The following IFFO2 variants were observed in gnomAD, a reference collection of about 807,000 sequenced individuals.
IFFO2 encodes the protein intermediate filament family orphan 2.
Under a neutral mutation model 53.5 loss-of-function variants are expected in IFFO2, and 19 were observed. The observed-to-expected ratio is 0.36, with a 90% CI of 0.25 to 0.52. The LOEUF (loss-of-function observed/expected upper bound fraction) is 0.52. IFFO2 is among the 20% of genes least tolerant of loss of function. IFFO2 has a pLI of 0.94. For missense variants in IFFO2, 570 were observed against 727.4 expected, an observed-to-expected ratio of 0.78 and a Z score of 2.49; for synonymous variants, 303 against 313.6, an observed-to-expected ratio of 0.97 and a Z score of 0.36.
At chr1:18,924,184 G>C (rs1936251687) in intron 1 of IFFO2, among the ~76,000 whole-genome samples, 1 of 152,246 alleles carries the variant, frequency 6.6e-6, no homozygotes, top group Admixed American at 6.5e-5. Context: ...GAAAAGCTCT[G>C]TCCTTGGATC....
chr1:18,948,359 T>C (rs28657693), intron 1 of IFFO2, among the ~76,000 whole-genome samples: 120,530 of 152,156 alleles, frequency 0.79, 48,869 homozygotes, highest in East Asian at 0.94. Context: ...GTAGTCTTCA[T>C]AGGGTTGCTG....
intron 1 of IFFO2, among the ~76,000 whole-genome samples, chr1:18,948,336 T>C (rs1316789326): frequency 6.6e-6 from 1 of 152,196 alleles, no homozygotes; most frequent in Admixed American, 6.5e-5. Flanking sequence ...TTGTGCTACA[T>C]TACGGAGAGA....
intron 1 of IFFO2, among the ~76,000 whole-genome samples, chr1:18,933,671 T>C (rs1205130820): frequency 6.6e-6 from 1 of 152,078 alleles, no homozygotes; most frequent in African/African-American, 2.4e-5. Flanking sequence ...GGTGGGAGGA[T>C]TGCTTGAGCC....
Position 18,910,335 on chromosome 1 carries a change from C to T in IFFO2, c.1448+7G>A, listed in dbSNP as rs75991162. 17,119 of 1,599,128 alleles carry T rather than the reference C, an allele frequency of 0.011. 279 individuals carry two copies. The highest frequency in any genetic ancestry group is 0.063 in the East Asian group (2,786 of 44,134). ...TAGCTGAATCCCCTGGGAGGATGGGCGGGTACCTGTCTGCGGAGCCTTTGA... is the reference window on the plus strand; with the variant it reads ...TAGCTGAATCCCCTGGGAGGATGGGTGGGTACCTGTCTGCGGAGCCTTTGA... On this transcript the variant is annotated splice_region_variant and intron_variant, in intron 8 of 8. Coordinates refer to ENST00000455833, the MANE Select transcript of IFFO2 (RefSeq NM_001136265.2).
intron 1 of IFFO2, among the ~76,000 whole-genome samples, chr1:18,951,789 G>A (rs1365820938): frequency 6.6e-6 from 1 of 152,214 alleles, no homozygotes; most frequent in African/African-American, 2.4e-5. Flanking sequence ...CCTATGCCTG[G>A]AGCCTGGACC....
In IFFO2 at chr1:18,956,264, C is replaced by CCCG. The variant is rs1254635440; in HGVS notation, c.66_68dup (p.Gly24dup). 1.1e-6 allele frequency: 1 copy of CCCG among 907,860 alleles called. No individual in the cohort carries two copies. Among genetic ancestry groups the CCCG allele is most frequent in the Non-Finnish European group, 1.4e-6 (1 of 734,382 alleles). 56.2% of individuals were successfully genotyped at this position (907,860 alleles called of 1,614,324 possible). ...CGCCGCCGCCCCCGCCAGGGCAGCC[C>CCCG]CCGCCGCCGCCGCCCGGCGGGCAGC... On this transcript the variant is annotated inframe_insertion, in exon 1 of 9. Transcript: ENST00000455833. The surrounding 1 kb of genome is among the most constrained non-coding windows in gnomAD (Gnocchi z 6.4).
At position 18,913,922 on chromosome 1, in the gene IFFO2, CTG is replaced by C. The variant is rs771194921; in HGVS notation, c.1104-1841_1104-1840del. Among the ~76,000 whole-genome samples, 722 of 151,702 alleles carry C rather than the reference CTG, an allele frequency of 4.8e-3. 3 individuals are homozygous for C. Among genetic ancestry groups the C allele is most frequent in the Non-Finnish European group, 6.1e-3 (416 of 67,954 alleles). ...CTCGGCTCACTGCAGGCTCCGCCCC[CTG>C]GGGTTCACGCCATTCTCCTGCCTCA... is the stretch of plus-strand genomic sequence containing the variant. On this transcript the variant is annotated intron_variant, in intron 5 of 8. Transcript: ENST00000455833.
At position 18,916,754 on chromosome 1, in the gene IFFO2, C is replaced by T. The variant is rs1379418130; in HGVS notation, c.1103+149G>A. ...GCACTCCAGCCTCCAGCCTGGGTGACAAAGTGAGACCCTGTCTCAAAAAAA... is the reference window on the plus strand; with the variant it reads ...GCACTCCAGCCTCCAGCCTGGGTGATAAAGTGAGACCCTGTCTCAAAAAAA... On this transcript the variant is annotated intron_variant, in intron 5 of 8. Coordinates refer to ENST00000455833, the MANE Select transcript of IFFO2 (RefSeq NM_001136265.2). This position sits in a 1 kb window ranked among gnomAD's most constrained non-coding sequence, Gnocchi z 4.3. 9.8e-6 allele frequency: 10 copies of T among 1,019,296 alleles called. No homozygotes were observed. The highest frequency in any genetic ancestry group is 2.7e-5 in the East Asian group (1 of 37,092). 63.1% of individuals were successfully genotyped at this position (1,019,296 alleles called of 1,614,324 possible).
intron 1 of IFFO2, among the ~76,000 whole-genome samples, chr1:18,948,376 C>T (rs1936617101): frequency 6.6e-6 from 1 of 152,216 alleles, no homozygotes; most frequent in Non-Finnish European, 1.5e-5. Flanking sequence ...GCTGGGCAAG[C>T]CCACCTTCCC....
At chr1:18,935,649 C>A (rs1344422535) in intron 1 of IFFO2, among the ~76,000 whole-genome samples, 1 of 151,962 alleles carries the variant, frequency 6.6e-6, no homozygotes, top group Non-Finnish European at 1.5e-5. Flanking sequence ...TACTGATCCC[C>A]TGCTGGTCTC....
At chr1:18,949,000 G>A (rs567517155) in intron 1 of IFFO2, among the ~76,000 whole-genome samples, 5 of 152,328 alleles carry the variant, frequency 3.3e-5, no homozygotes, top group East Asian at 1.9e-4. Context: ...AAGCTCACTC[G>A]GCTTTTAACT....
At chr1:18,913,727 G>A (rs571680291) in intron 5 of IFFO2, among the ~76,000 whole-genome samples, 40 of 152,350 alleles carry the variant, frequency 2.6e-4, no homozygotes, top group Non-Finnish European at 4.4e-4. Context: ...CCAGGGCCCC[G>A]CCTGGGGTGG....
At chr1:18,929,541 G>T (rs1936344835) in intron 1 of IFFO2, among the ~76,000 whole-genome samples, 1 of 152,126 alleles carries the variant, frequency 6.6e-6, no homozygotes, top group Admixed American at 6.5e-5. Context: ...AGCTGTGTGG[G>T]GTCATCACAT....
chr1:18,927,290 G>A (rs567990859), intron 1 of IFFO2, among the ~76,000 whole-genome samples: 14 of 152,336 alleles, frequency 9.2e-5, no homozygotes, highest in African/African-American at 2.6e-4. Context: ...CGGCCGGCAC[G>A]CCTAGGCCGA....
At chr1:18,924,216 G>A (rs1029889840) in intron 1 of IFFO2, among the ~76,000 whole-genome samples, 3 of 152,194 alleles carry the variant, frequency 2.0e-5, no homozygotes, top group Non-Finnish European at 2.9e-5. Flanking sequence ...TGGCATGAAG[G>A]GCCAGGTGGG....
chr1:18,933,876 T>C (rs1040518465), intron 1 of IFFO2, among the ~76,000 whole-genome samples: 6 of 152,186 alleles, frequency 3.9e-5, no homozygotes, highest in African/African-American at 1.4e-4. Context: ...TCTCCAGAAC[T>C]CTTTCATCTT....
rs1041973792 is a variant in IFFO2 at position 18,913,826 on chromosome 1, TTTTTG to T, written c.1104-1748_1104-1744del. Among the ~76,000 whole-genome samples the T allele has an allele frequency of 6.4e-4, 95 of 148,378 alleles. No individual in the cohort carries two copies. In the East Asian group the frequency reaches 7.0e-3, roughly 11 times the overall value. On this transcript the variant is annotated intron_variant, in intron 5 of 8. Transcript: ENST00000455833. Reference sequence around the variant, plus strand: ...TTCGTTGTTTGTTGTTGTTGTTGTTTTTTTGTTTGTTTGTTTGTTTGTTTGAGACG... The same window carrying T: ...TTCGTTGTTTGTTGTTGTTGTTGTTTTTTGTTTGTTTGTTTGTTTGAGACG...
At chr1:18,925,492 T>TCCA (rs929679669) in intron 1 of IFFO2, among the ~76,000 whole-genome samples, 1 of 152,124 alleles carries the variant, frequency 6.6e-6, no homozygotes, top group African/African-American at 2.4e-5. Flanking sequence ...CACCGCCACT[T>TCCA]CCACCTTCCC....
chr1:18,929,268 G>A (rs1005805186), intron 1 of IFFO2, among the ~76,000 whole-genome samples: 1 of 152,188 alleles, frequency 6.6e-6, no homozygotes, highest in Non-Finnish European at 1.5e-5. Context: ...CAGGAGAGCA[G>A]GCTCAAGTGA....
Sources: allele counts gnomAD v4.1 joint callset (sites outside exome capture counted in the v4.1 genomes callset), GRCh38; gene constraint gnomAD v4.1.1; non-coding constraint Gnocchi (gnomAD v3.1); transcripts MANE v1.5; gene names NCBI Gene and HGNC (gene_info 2026-07-23, HGNC 2026-07-21).